The following ADAMTSL1 variants were observed in gnomAD, a reference collection of about 807,000 sequenced individuals.
The protein encoded by ADAMTSL1 is ADAMTS-like protein 1.
In ADAMTSL1, 126 loss-of-function variants were observed where a neutral mutation model predicts 201.8. The observed-to-expected ratio is 0.62, with a 90% confidence interval of 0.54 to 0.72. ADAMTSL1 has a LOEUF of 0.72. ADAMTSL1 is among the 30% of genes least tolerant of loss of function. ADAMTSL1 has a pLI of 0.00. For missense variants in ADAMTSL1, 2,679 were observed against 2,277.8 expected (o/e 1.18, Z -3.59); for synonymous variants, 1,121 against 903.4 (o/e 1.24, Z -4.32).
chr9:18,761,217 A>G (rs1048893504), intron 16 of ADAMTSL1, among the ~76,000 whole-genome samples: 1 of 152,232 alleles, frequency 6.6e-6, no homozygotes, highest in Middle Eastern at 3.2e-3. Context: ...ATGTTAGTAA[A>G]AATATCAAGG....
chr9:18,367,734 C>G (rs1346052067), intron 2 of ADAMTSL1, among the ~76,000 whole-genome samples: 3 of 151,986 alleles, frequency 2.0e-5, no homozygotes, highest in Non-Finnish European at 2.9e-5. Context: ...GACTAAGTAA[C>G]TTTTAGGCAC....
rs538327913 is a variant in ADAMTSL1, at chr9:18,886,193, T to C, written c.4250-1638T>C. Among the ~76,000 whole-genome samples, 172 of 130,820 alleles carry C rather than the reference T, an allele frequency of 1.3e-3. 3 individuals carry two copies. The highest frequency in any genetic ancestry group is 4.9e-3 in the East Asian group (21 of 4,268). 85.8% of individuals were successfully genotyped at this position (130,820 alleles called of 152,430 possible). On this transcript the variant is annotated intron_variant, in intron 23 of 28. Coordinates refer to ENST00000380548, the MANE Select transcript of ADAMTSL1 (RefSeq NM_001040272.6). ...ATATATATATATATATATATATATA[T>C]ATATATATATATATATATACACACA...
intron 2 of ADAMTSL1, among the ~76,000 whole-genome samples, chr9:18,277,224 G>A (rs913133513): frequency 7.9e-5 from 12 of 152,100 alleles, no homozygotes; most frequent in African/African-American, 2.9e-4. Context: ...TGCTGCTGTT[G>A]GATGCAATAT....
chr9:18,718,486 A>G, intron 14 of ADAMTSL1: 1 of 573,426 alleles, frequency 1.7e-6, no homozygotes, highest in Non-Finnish European at 3.5e-6. Flanking sequence ...CAGACTTTCC[A>G]ACGCCTCCTG....
At chr9:18,193,628 G>A (rs1829058136) in intron 2 of ADAMTSL1, among the ~76,000 whole-genome samples, 1 of 152,084 alleles carries the variant, frequency 6.6e-6, no homozygotes, top group African/African-American at 2.4e-5. Flanking sequence ...AGAGATAATG[G>A]GGAAATGGAA....
At chr9:18,399,457 T>A (rs1817897436) in intron 2 of ADAMTSL1, among the ~76,000 whole-genome samples, 1 of 151,318 alleles carries the variant, frequency 6.6e-6, no homozygotes. Context: ...CTCTTGACTC[T>A]CAGCCTCCCA....
intron 2 of ADAMTSL1, among the ~76,000 whole-genome samples, chr9:18,294,390 G>A (rs1348422789): frequency 1.3e-5 from 2 of 152,190 alleles, no homozygotes; most frequent in African/African-American, 2.4e-5. Context: ...AAAAATAACA[G>A]CAATGCTGCC....
At chr9:18,883,646 C>T (rs1828681819) in intron 23 of ADAMTSL1, among the ~76,000 whole-genome samples, 2 of 152,140 alleles carry the variant, frequency 1.3e-5, no homozygotes, top group Non-Finnish European at 2.9e-5. Flanking sequence ...CTCCAGGTAC[C>T]TCATATAAGT....
intron 2 of ADAMTSL1, among the ~76,000 whole-genome samples, chr9:18,338,237 A>G (rs1835329002): frequency 6.6e-6 from 1 of 152,042 alleles, no homozygotes; most frequent in Non-Finnish European, 1.5e-5. Context: ...CACTCTCAGC[A>G]TGGAGAAAAG....
At chr9:18,514,335 T>C (rs1399276751) in intron 2 of ADAMTSL1, among the ~76,000 whole-genome samples, 1 of 138,440 alleles carries the variant, frequency 7.2e-6, no homozygotes, top group African/African-American at 2.9e-5. Context: ...TTCTTTTTTT[T>C]TTTTTTTTTT....
chr9:18,055,042 C>A (rs1197714246), intron 1 of ADAMTSL1, among the ~76,000 whole-genome samples: 1 of 152,106 alleles, frequency 6.6e-6, no homozygotes, highest in African/African-American at 2.4e-5. Flanking sequence ...GCCATCTCAC[C>A]CTGCCTGCAG....
chr9:18,702,040 A>T (rs59509928), intron 13 of ADAMTSL1, among the ~76,000 whole-genome samples: 1 of 152,210 alleles, frequency 6.6e-6, no homozygotes, highest in African/African-American at 2.4e-5. Flanking sequence ...AGCAAGTCAC[A>T]TCTTACATGG....
At chr9:18,147,403 T>C (rs1412106894) in intron 1 of ADAMTSL1, among the ~76,000 whole-genome samples, 1 of 152,088 alleles carries the variant, frequency 6.6e-6, no homozygotes. Flanking sequence ...GGGGACAAGA[T>C]GGGAATGGCT....
intron 1 of ADAMTSL1, among the ~76,000 whole-genome samples, chr9:17,940,355 A>G (rs1778168): frequency 0.66 from 100,047 of 151,874 alleles, 33,252 homozygotes; most frequent in East Asian, 0.94. Flanking sequence ...AGGCTGTGGC[A>G]GCAAGGAACG....
intron 3 of ADAMTSL1, among the ~76,000 whole-genome samples, chr9:18,561,775 T>C (rs1255331719): frequency 6.6e-6 from 1 of 152,236 alleles, no homozygotes; most frequent in Non-Finnish European, 1.5e-5. Context: ...TACCATTATG[T>C]AATGCCCTTC....
intron 2 of ADAMTSL1, among the ~76,000 whole-genome samples, chr9:18,265,042 C>T (rs999802624): frequency 1.3e-5 from 2 of 152,168 alleles, no homozygotes; most frequent in Admixed American, 6.5e-5. Context: ...ACTTGGTGAA[C>T]GTTTACACTG....
chr9:18,783,155 A>G (rs568080277), intron 19 of ADAMTSL1, among the ~76,000 whole-genome samples: 4 of 152,332 alleles, frequency 2.6e-5, no homozygotes, highest in African/African-American at 9.6e-5. Flanking sequence ...TTTACTGGGC[A>G]TTAGATACAT....
intron 1 of ADAMTSL1, among the ~76,000 whole-genome samples, chr9:17,932,113 A>G (rs535804298): frequency 1.1e-3 from 166 of 152,280 alleles, no homozygotes; most frequent in African/African-American, 3.7e-3. Flanking sequence ...CTTCCCCCCA[A>G]GTAGAGGATC....
chr9:18,099,326 A>AATATATATAT (rs71333027), intron 1 of ADAMTSL1, among the ~76,000 whole-genome samples: 38 of 57,580 alleles, frequency 6.6e-4, no homozygotes, highest in East Asian at 2.8e-3. Context: ...GCAAATGGAA[A>AATATATATAT]ATATATATAT....
Sources: gnomAD v4.1 joint callset for allele counts (sites outside exome capture counted in the v4.1 genomes callset) on GRCh38, gnomAD v4.1.1 for gene constraint, MANE v1.5 for transcripts, NCBI Gene and HGNC (gene_info 2026-07-23, HGNC 2026-07-21) for gene names.